Variants in AP2A1 observed in about 807,000 individuals in gnomAD.
The protein encoded by AP2A1 is AP-2 complex subunit alpha-1.
A neutral mutation model predicts 107.3 loss-of-function variants in AP2A1; 21 were observed. The ratio of observed to expected loss-of-function variants is 0.20; its 90% CI spans 0.14 to 0.28. The LOEUF (loss-of-function observed/expected upper bound fraction) is 0.28. AP2A1 is among the 10% of genes least tolerant of loss of function. The pLI is 1.00. For missense variants in AP2A1, 873 were observed against 1,307.7 expected (o/e 0.67, Z 5.13); for synonymous variants, 602 against 564.8 (o/e 1.07, Z -0.93).
chr19:49,777,559 T>C (rs986029369), intron 1 of AP2A1, among the ~76,000 whole-genome samples: 1 of 147,974 alleles, frequency 6.8e-6, no homozygotes, highest in Admixed American at 6.9e-5. Flanking sequence ...GGCGTGAACC[T>C]GGGAGGCAGA....
At chr19:49,802,494 G>A (rs376958557) in intron 15 of AP2A1, 7 of 1,597,258 alleles carry the variant, frequency 4.4e-6, no homozygotes, top group Non-Finnish European at 5.1e-6. Context: ...TGCCTGCCAC[G>A]CCTGTCTTCT....
intron 4 of AP2A1, among the ~76,000 whole-genome samples, chr19:49,789,520 A>C (rs1244773762): frequency 1.3e-5 from 2 of 149,894 alleles, no homozygotes; most frequent in East Asian, 3.9e-4. Flanking sequence ...CAAACTCCTG[A>C]CCTCAGGTGA....
chr19:49,799,264 G>A (rs552685008), intron 8 of AP2A1, 63 bp from the exon 9 acceptor site: 40 of 1,556,928 alleles, frequency 2.6e-5, no homozygotes, highest in East Asian at 6.9e-5. Flanking sequence ...GCTGGGGCCC[G>A]AGTCCTCCAC....
intron 1 of AP2A1, among the ~76,000 whole-genome samples, chr19:49,772,254 T>TTG (rs1568573016): frequency 1.1e-4 from 13 of 116,120 alleles, no homozygotes; most frequent in African/African-American, 1.9e-4. Context: ...GAGTTTTTTT[T>TTG]TTTTTTTTTT....
chr19:49,776,594 A>G (rs2084619677), intron 1 of AP2A1, among the ~76,000 whole-genome samples: 1 of 151,836 alleles, frequency 6.6e-6, no homozygotes, highest in Admixed American at 6.6e-5. Context: ...ACTCTCTCAC[A>G]GGCTTGCTTG....
intron 1 of AP2A1, among the ~76,000 whole-genome samples, chr19:49,772,172 C>T (rs951655579): frequency 3.3e-5 from 5 of 151,690 alleles, no homozygotes; most frequent in African/African-American, 1.2e-4. Flanking sequence ...ATCCTCCCGC[C>T]TCAGCCTCCT....
chr19:49,771,103 A>G (rs2123659692), intron 1 of AP2A1, among the ~76,000 whole-genome samples: 1 of 151,844 alleles, frequency 6.6e-6, no homozygotes, highest in South Asian at 2.1e-4. Flanking sequence ...CCACTACCCC[A>G]GCCTTCCAAA....
chr19:49,772,259 T>TTGTTTTG (rs2084568945), intron 1 of AP2A1, among the ~76,000 whole-genome samples: 3 of 129,698 alleles, frequency 2.3e-5, no homozygotes, highest in African/African-American at 8.6e-5. Context: ...TTTTTTTTTT[T>TTGTTTTG]TTTTTTTTTT....
At chr19:49,802,273 C>T in intron 15 of AP2A1, 132 bp downstream of exon 15, 2 of 873,182 alleles carry the variant, frequency 2.3e-6, no homozygotes, top group South Asian at 2.8e-5. Context: ...GATGCCTTCG[C>T]CAGCCCTGGC....
At chr19:49,771,921 G>A (rs79349312) in intron 1 of AP2A1, among the ~76,000 whole-genome samples, 13,591 of 152,080 alleles carry the variant, frequency 0.089, 702 homozygotes, top group South Asian at 0.15. Flanking sequence ...AGGCAGAGGC[G>A]GGGCAAGTGC....
intron 5 of AP2A1, among the ~76,000 whole-genome samples, chr19:49,792,673 G>A (rs950668563): frequency 6.6e-6 from 1 of 151,966 alleles, no homozygotes; most frequent in Non-Finnish European, 1.5e-5. Flanking sequence ...CATCACCTGC[G>A]CACCAGCGCA....
At position 49,785,320 on chromosome 19, in the gene AP2A1, C is replaced by T. The variant is rs1473181706; in HGVS notation, c.473+2596C>T. Among the ~76,000 whole-genome samples the T allele has an allele frequency of 2.0e-5, 3 of 151,910 alleles. No individual in the cohort carries two copies. The highest frequency in any genetic ancestry group is 1.5e-5 in the Non-Finnish European group (1 of 67,978). Reference sequence around the variant, plus strand: ...GCGGTGGCTTGGACCAGGGCTGTGGCGGTCATGTGGTTATGAGAAGGGCAT... The same window carrying T: ...GCGGTGGCTTGGACCAGGGCTGTGGTGGTCATGTGGTTATGAGAAGGGCAT... On this transcript the variant is annotated intron_variant, in intron 4 of 22. Transcript: ENST00000354293. The surrounding 1 kb of genome is among the most constrained non-coding windows in gnomAD (Gnocchi z 4.1).
At chr19:49,770,408 G>T (rs977696919) in intron 1 of AP2A1, among the ~76,000 whole-genome samples, 2 of 152,144 alleles carry the variant, frequency 1.3e-5, no homozygotes, top group African/African-American at 4.8e-5. Context: ...GAATTGTGCT[G>T]AATGCTGGGG....
At chr19:49,770,563 G>A (rs1465230140) in intron 1 of AP2A1, among the ~76,000 whole-genome samples, 2 of 152,120 alleles carry the variant, frequency 1.3e-5, no homozygotes, top group Non-Finnish European at 2.9e-5. Flanking sequence ...CATGATAGCC[G>A]GAAAACAGAA....
chr19:49,772,380 G>A (rs1836885959), intron 1 of AP2A1, among the ~76,000 whole-genome samples: 1 of 139,648 alleles, frequency 7.2e-6, no homozygotes, highest in East Asian at 2.2e-4. Context: ...TTTTTATTAT[G>A]TTGCCCGGGC....
At chr19:49,799,909 G>A (rs2123746174) in intron 10 of AP2A1, 59 bp from the exon 11 acceptor site, 2 of 1,592,170 alleles carry the variant, frequency 1.3e-6, no homozygotes, top group Admixed American at 3.4e-5. Context: ...CCCAGATCCA[G>A]GTGAGTGAAA....
chr19:49,802,416 CTCCTTCCCTCT>C, intron 15 of AP2A1: 1 of 1,065,962 alleles, frequency 9.4e-7, no homozygotes, highest in Admixed American at 2.0e-5. Flanking sequence ...TTCTCCTTCT[CTCCTTCCCTCT>C]TCCGTCCCTC....
chr19:49,803,515 C>T, intron 18 of AP2A1, 139 bp downstream of exon 18: 2 of 710,572 alleles, frequency 2.8e-6, no homozygotes, highest in South Asian at 1.6e-5. Context: ...TGAGTGTCTG[C>T]ATCTGTTAAG....
At chr19:49,773,785 TCTAA>T (rs143503979) in intron 1 of AP2A1, among the ~76,000 whole-genome samples, 2,058 of 152,132 alleles carry the variant, frequency 0.014, 38 homozygotes, top group South Asian at 0.078. Context: ...GAGCAGAGAA[TCTAA>T]CTAAGTGGGG....
Sources: gnomAD v4.1 joint callset for allele counts (sites outside exome capture counted in the v4.1 genomes callset) on GRCh38, gnomAD v4.1.1 for gene constraint, Gnocchi (gnomAD v3.1) non-coding constraint, MANE v1.5 for transcripts, NCBI Gene and HGNC (gene_info 2026-07-23, HGNC 2026-07-21) for gene names.